The following OR6C1 variants were observed in gnomAD, a reference collection of about 807,000 sequenced individuals.
OR6C1 encodes olfactory receptor family 6 subfamily C member 1, also known as olfactory receptor 6C1.
For missense variants in OR6C1, 386 were observed against 366.1 expected, an observed-to-expected ratio of 1.05 and a Z score of -0.44; for synonymous variants, 157 against 133.3, an observed-to-expected ratio of 1.18 and a Z score of -1.22.
chr12:55,317,726 G>T (rs1868432924), intron 1 of OR6C1, among the ~76,000 whole-genome samples: 1 of 151,752 alleles, frequency 6.6e-6, no homozygotes, highest in South Asian at 2.1e-4. Context: ...TCTCAAGAAT[G>T]CACAGAGTAA....
intron 1 of OR6C1, among the ~76,000 whole-genome samples, chr12:55,318,378 G>A (rs893644833): frequency 1.3e-5 from 2 of 151,726 alleles, no homozygotes; most frequent in African/African-American, 4.8e-5. Context: ...CAGGTACTAT[G>A]AAACCTGGTG....
chr12:55,316,126 CA>C (rs1232737490), intron 1 of OR6C1, among the ~76,000 whole-genome samples: 17 of 132,928 alleles, frequency 1.3e-4, no homozygotes, highest in Middle Eastern at 3.5e-3. Flanking sequence ...CACACACACA[CA>C]CACCCCCCGA....
chr12:55,319,389 A>C (rs1186212837), intron 1 of OR6C1, among the ~76,000 whole-genome samples: 1 of 152,232 alleles, frequency 6.6e-6, no homozygotes, highest in Non-Finnish European at 1.5e-5. Flanking sequence ...TAAAATTTAA[A>C]ACATCTTAGG....
intron 1 of OR6C1, among the ~76,000 whole-genome samples, chr12:55,318,604 T>C (rs959641306): frequency 6.7e-6 from 1 of 148,158 alleles, no homozygotes; most frequent in Non-Finnish European, 1.5e-5. Flanking sequence ...GCTTTATAAA[T>C]ATATATTATA....
chr12:55,321,352 C>A lies in OR6C1; in HGVS notation c.753C>A (p.Gly251=). 1.2e-6 allele frequency: 2 copies of A among 1,613,838 alleles called. No homozygotes were observed. The highest frequency in any genetic ancestry group is 1.7e-6 in the Non-Finnish European group (2 of 1,179,790). ...SHMVVVSISY[G]SCIFMYIKPS... ...TGGTTGTTGTCTCCATCTCTTATGG[C>A]AGCTGCATTTTTATGTACATTAAAC... The change falls in exon 2 of 2, where the codon GGC becomes GGA. Residue 251 remains glycine, a synonymous_variant. Transcript: ENST00000642104.
At position 55,321,816 on chromosome 12, in the gene OR6C1, A is replaced by G. The variant is rs1868569240; in HGVS notation, c.*278A>G. ...TCTTCAGTTTACTTCAAGAAATAAA[A>G]TTATACCTAGATACATTGGAATGGC... is the stretch of plus-strand genomic sequence containing the variant. On this transcript the variant is annotated 3_prime_UTR_variant, in exon 2 of 2. Transcript: ENST00000642104. 3.8e-6 allele frequency: 1 copy of G among 260,228 alleles called. No homozygotes were observed. The highest frequency in any genetic ancestry group is 2.2e-5 in the African/African-American group (1 of 44,672). 16.1% of individuals were successfully genotyped at this position (260,228 alleles called of 1,614,324 possible).
intron 1 of OR6C1, among the ~76,000 whole-genome samples, 193 bp downstream of exon 1, chr12:55,314,792 A>G (rs1026955068): frequency 1.3e-5 from 2 of 151,204 alleles, no homozygotes; most frequent in African/African-American, 4.9e-5. Flanking sequence ...GCAGGAAATC[A>G]CTATCTCTGT....
At chr12:55,315,111 T>C (rs1033561236) in intron 1 of OR6C1, among the ~76,000 whole-genome samples, 8 of 151,682 alleles carry the variant, frequency 5.3e-5, no homozygotes, top group Admixed American at 5.3e-4. Flanking sequence ...TAGAACCTAC[T>C]AAATGCTGCA....
chr12:55,315,566 T>C (rs979262764), intron 1 of OR6C1, among the ~76,000 whole-genome samples: 24 of 151,792 alleles, frequency 1.6e-4, no homozygotes, highest in African/African-American at 5.8e-4. Flanking sequence ...GGTTGAGAAT[T>C]AAACCTGCCC....
At chr12:55,317,157 T>C (rs1868423741) in intron 1 of OR6C1, among the ~76,000 whole-genome samples, 1 of 152,020 alleles carries the variant, frequency 6.6e-6, no homozygotes, top group African/African-American at 2.4e-5. Flanking sequence ...AATTGTTGAA[T>C]AAAATTGAAT....
At chr12:55,317,093 AC>A (rs1383011598) in intron 1 of OR6C1, among the ~76,000 whole-genome samples, 4 of 152,068 alleles carry the variant, frequency 2.6e-5, no homozygotes, top group African/African-American at 9.6e-5. Context: ...TTCACTATAG[AC>A]CAGTAATAAT....
At chr12:55,315,030 A>G (rs1203435626) in intron 1 of OR6C1, among the ~76,000 whole-genome samples, 1 of 151,704 alleles carries the variant, frequency 6.6e-6, no homozygotes. Context: ...TGCCTTTAAT[A>G]AATCACAACT....
Position 55,321,521 on chromosome 12 carries a change from T to C in OR6C1, c.922T>C (p.Phe308Leu), listed in dbSNP as rs1868561357. Residue 308 changes from phenylalanine (F) to leucine (L), a missense_variant, in exon 2 of 2, where the codon TTT (phenylalanine) becomes CTT (leucine). Coordinates refer to ENST00000642104, the MANE Select transcript of OR6C1 (RefSeq NM_001005182.2). ...AFINMARKTV[F>L]FTST ...CATTAACATGGCAAGGAAGACTGTATTTTTCACAAGCACATGAAATGGTAT... is the reference window on the plus strand; with the variant it reads ...CATTAACATGGCAAGGAAGACTGTACTTTTCACAAGCACATGAAATGGTAT... 1 of 1,610,234 alleles carries C rather than the reference T, an allele frequency of 6.2e-7. No homozygotes were observed. Among genetic ancestry groups the C allele is most frequent in the Middle Eastern group, 1.7e-4 (1 of 6,034 alleles).
intron 1 of OR6C1, among the ~76,000 whole-genome samples, chr12:55,318,488 A>G (rs934263808): frequency 2.0e-5 from 3 of 151,710 alleles, no homozygotes; most frequent in Non-Finnish European, 4.4e-5. Flanking sequence ...TTTGGACAGG[A>G]CACCATCCCA....
In OR6C1 at chr12:55,320,913, T is replaced by C. The variant is rs1424962199; in HGVS notation, c.314T>C (p.Leu105Ser). Residue 105 changes from leucine (L) to serine (S), a missense_variant, in exon 2 of 2, where the codon TTG (leucine) becomes TCG (serine). Physicochemically the swap from Leu to Ser is moderately radical, Grantham distance 145. Coordinates refer to ENST00000642104, the MANE Select transcript of OR6C1 (RefSeq NM_001005182.2). Reference protein sequence around the residue: ...CIVQLFFFILLGVTEFYLLAA... With the variant: ...CIVQLFFFILSGVTEFYLLAA... ...GTTCAGTTATTTTTCTTCATTCTCTTGGGAGTCACAGAGTTTTACCTTCTG... is the reference window on the plus strand; with the variant it reads ...GTTCAGTTATTTTTCTTCATTCTCTCGGGAGTCACAGAGTTTTACCTTCTG... The C allele has an allele frequency of 9.3e-6, 15 of 1,613,930 alleles. No homozygotes were observed. Among genetic ancestry groups the C allele is most frequent in the Non-Finnish European group, 1.3e-5 (15 of 1,179,934 alleles).
rs745805039 is a variant in OR6C1 at position 55,321,010 on chromosome 12, A to G, written c.411A>G (p.Arg137=). ...ATTGCTTGAGTATCATGAATCGAAG[A>G]GTCTGCACACTGCTTGTTTTTACTT... is the stretch of plus-strand genomic sequence containing the variant. ...PLHCLSIMNR[R]VCTLLVFTSW... Residue 137 remains arginine (R), a synonymous_variant, in exon 2 of 2, where the codon AGA becomes AGG. Coordinates refer to ENST00000642104, the MANE Select transcript of OR6C1 (RefSeq NM_001005182.2). The G allele has an allele frequency of 1.5e-5, 24 of 1,613,824 alleles. 1 individual carries two copies. In the South Asian group the frequency reaches 2.4e-4, roughly 16 times the overall value.
Position 55,321,049 on chromosome 12 carries a change from A to T in OR6C1, c.450A>T (p.Ser150=). ...TTGTTTTTACTTCTTGGCTGGTTTC[A>T]TTCTTAATCATATTCCCAGCACTCA... ...TLLVFTSWLV[S]FLIIFPALML... is the part of the protein sequence containing the mutation. Residue 150 remains serine (S), a synonymous_variant, in exon 2 of 2, where the codon TCA becomes TCT. Coordinates refer to ENST00000642104, the MANE Select transcript of OR6C1 (RefSeq NM_001005182.2). 1 of 1,613,640 alleles carries T rather than the reference A, an allele frequency of 6.2e-7. No individual in the cohort carries two copies. The highest frequency in any genetic ancestry group is 1.1e-5 in the South Asian group (1 of 91,066).
Position 55,321,411 on chromosome 12 carries a change from G to C in OR6C1, c.812G>C (p.Gly271Ala). The C allele has an allele frequency of 6.2e-7, 1 of 1,613,794 alleles. No individual in the cohort carries two copies. Among genetic ancestry groups the C allele is most frequent in the Non-Finnish European group, 8.5e-7 (1 of 1,179,798 alleles). ...AAAGATAGAGTGTCCTTGAGCAAGGGAGTGGCAATACTAAACACCTCAGTA... is the reference window on the plus strand; with the variant it reads ...AAAGATAGAGTGTCCTTGAGCAAGGCAGTGGCAATACTAAACACCTCAGTA... ...SAKDRVSLSKGVAILNTSVAP... is the reference protein window; with the variant it reads ...SAKDRVSLSKAVAILNTSVAP... Residue 271 changes from glycine (G) to alanine (A), a missense_variant, in exon 2 of 2, where the codon GGA becomes GCA. Gly to Ala is a moderately conservative substitution (Grantham distance 60). Coordinates refer to ENST00000642104, the MANE Select transcript of OR6C1 (RefSeq NM_001005182.2).
At position 55,320,646 on chromosome 12, in the gene OR6C1, C is replaced by G. The variant is rs1175774378; in HGVS notation, c.47C>G (p.Thr16Arg). The G allele has an allele frequency of 1.9e-6, 3 of 1,612,888 alleles. No homozygotes were observed. The highest frequency in any genetic ancestry group is 2.5e-6 in the Non-Finnish European group (3 of 1,179,258). Residue 16 changes from threonine to arginine, a missense_variant, in exon 2 of 2, where the codon ACA becomes AGA. Coordinates refer to ENST00000642104, the MANE Select transcript of OR6C1 (RefSeq NM_001005182.2). ...ACAGAGTTTATTCTTCTGGGATTAA[C>G]AGATGACCCAAATTTTCAGGTTGTA... is the stretch of plus-strand genomic sequence containing the variant. ...EITEFILLGLTDDPNFQVVIF... is the reference protein window; with the variant it reads ...EITEFILLGLRDDPNFQVVIF...
Sources: gnomAD v4.1 joint callset for allele counts (sites outside exome capture counted in the v4.1 genomes callset) on GRCh38, gnomAD v4.1.1 for gene constraint, MANE v1.5 for transcripts, NCBI Gene and HGNC (gene_info 2026-07-23, HGNC 2026-07-21) for gene names.